The following CRK variants were observed in gnomAD, a reference collection of about 807,000 sequenced individuals.
CRK encodes the protein CRK proto-oncogene, adaptor protein.
Under a neutral mutation model 29.8 loss-of-function variants are expected in CRK, and 4 were observed. The observed-to-expected ratio is 0.13, with a 90% CI of 0.07 to 0.31. The LOEUF (loss-of-function observed/expected upper bound fraction) is 0.31. Ranked by LOEUF, CRK falls within the 10% of genes least tolerant of loss-of-function variation. The pLI is 1.00. For missense variants in CRK, 274 were observed against 396.5 expected (o/e 0.69, Z 2.62); for synonymous variants, 153 against 164.9 (o/e 0.93, Z 0.55).
chr17:1,445,066 T>G (rs1000808256), intron 1 of CRK, among the ~76,000 whole-genome samples: 2 of 150,046 alleles, frequency 1.3e-5, no homozygotes, highest in African/African-American at 4.9e-5. Context: ...GAGAATGGCA[T>G]GAACCTGGGA....
chr17:1,440,726 A>G (rs1474968117), intron 1 of CRK, among the ~76,000 whole-genome samples: 1 of 151,228 alleles, frequency 6.6e-6, no homozygotes, highest in Non-Finnish European at 1.5e-5. Context: ...CGTCTCAAAA[A>G]CAAACAAACA....
Position 1,427,253 on chromosome 17 carries a change from A to AC in CRK, c.778-3604dup, listed in dbSNP as rs2073789568. Among the ~76,000 whole-genome samples the AC allele has an allele frequency of 2.0e-5, 3 of 147,688 alleles. No individual in the cohort carries two copies. In the South Asian group the frequency reaches 6.5e-4, roughly 32 times the overall value. The stretch of plus-strand genomic sequence containing the variant: ...TGTAGCAAGCCAAGTGCACCACTGC[A>AC]CCCCACCCTGGTGGAGAGACCAAGA... On this transcript the variant is annotated intron_variant, in intron 2 of 2. Transcript: ENST00000300574.
rs534544942 is a variant in CRK at position 1,441,140 on chromosome 17, C to A, written c.242-3985G>T. ...ATGGGATTTCGCCATGTTGCCCAAG[C>A]CAGTCTCGAATTCCTGAGCTCAAGT... On this transcript the variant is annotated intron_variant, in intron 1 of 2. Coordinates refer to ENST00000300574, the MANE Select transcript of CRK (RefSeq NM_016823.4). Among the ~76,000 whole-genome samples the A allele has an allele frequency of 2.0e-5, 3 of 152,166 alleles. No individual in the cohort carries two copies. The South Asian group carries it at 6.2e-4, about 32-fold the overall frequency.
chr17:1,430,903 T>TA (rs1159285042), intron 2 of CRK, among the ~76,000 whole-genome samples: 1 of 151,054 alleles, frequency 6.6e-6, no homozygotes, highest in Non-Finnish European at 1.5e-5. Context: ...CCGTCTCTAC[T>TA]AAAAATACAA....
intron 1 of CRK, among the ~76,000 whole-genome samples, chr17:1,451,885 T>C (rs908785588): frequency 1.3e-5 from 2 of 152,110 alleles, no homozygotes; most frequent in East Asian, 1.9e-4. Context: ...CTCGGGAGGC[T>C]GAGGCAGGAG....
At position 1,422,815 on chromosome 17, in the gene CRK, A is replaced by G. The variant is rs189061840; in HGVS notation, c.*698T>C. On this transcript the variant is annotated 3_prime_UTR_variant, in exon 3 of 3. Transcript: ENST00000300574. Reference sequence around the variant, plus strand: ...CTGGCTTAAAGCTATGCACTGAATAAAGTGCTCGGTACATCCTGCTTTTCA... The same window carrying G: ...CTGGCTTAAAGCTATGCACTGAATAGAGTGCTCGGTACATCCTGCTTTTCA... 29 of 398,006 alleles carry G rather than the reference A, an allele frequency of 7.3e-5. No homozygotes were observed. The East Asian group carries it at 8.9e-4, about 12-fold the overall frequency. The allele number at this position is 398,006 out of a possible 1,614,324, so 24.7% of individuals were successfully genotyped here.
At chr17:1,429,949 C>G (rs911549271) in intron 2 of CRK, among the ~76,000 whole-genome samples, 10 of 151,342 alleles carry the variant, frequency 6.6e-5, no homozygotes, top group Non-Finnish European at 1.3e-4. Flanking sequence ...GAAAAACAAC[C>G]AAAAACACGA....
intron 2 of CRK, among the ~76,000 whole-genome samples, chr17:1,434,732 G>A (rs1438570642): frequency 2.8e-5 from 4 of 144,912 alleles, no homozygotes; most frequent in African/African-American, 7.7e-5. Context: ...GCAGTGAGCC[G>A]AGATCGTGCC....
At chr17:1,442,105 C>T (rs541317482) in intron 1 of CRK, among the ~76,000 whole-genome samples, 1 of 151,612 alleles carries the variant, frequency 6.6e-6, no homozygotes, top group Non-Finnish European at 1.5e-5. Context: ...GATCCACTTG[C>T]CTCTGCCTCC....
chr17:1,429,903 G>A (rs1305081715), intron 2 of CRK, among the ~76,000 whole-genome samples: 1 of 150,896 alleles, frequency 6.6e-6, no homozygotes, highest in African/African-American at 2.4e-5. Context: ...CTTGCTTGGG[G>A]AACAGAGCAA....
chr17:1,452,942 C>CAA (rs1244671895), intron 1 of CRK, among the ~76,000 whole-genome samples: 2 of 152,024 alleles, frequency 1.3e-5, no homozygotes, highest in Admixed American at 6.6e-5. Flanking sequence ...CTCATCTCTA[C>CAA]AAAAAAATTT....
chr17:1,441,779 T>G lies in CRK; in HGVS notation c.242-4624A>C, dbSNP rs952955230. ...TGCTGGGATTACAGGCGTGAGCCAC[T>G]GTGCCCGGCCCTTCACCCAGCTGAT... On this transcript the variant is annotated intron_variant, in intron 1 of 2. Coordinates refer to ENST00000300574, the MANE Select transcript of CRK (RefSeq NM_016823.4). Among the ~76,000 whole-genome samples, 7 of 152,130 alleles carry G rather than the reference T, an allele frequency of 4.6e-5. No homozygotes were observed. In the East Asian group the frequency reaches 1.4e-3, roughly 30 times the overall value.
In CRK at chr17:1,421,066, T is replaced by C. The variant is rs930944310; in HGVS notation, c.*2447A>G. On this transcript the variant is annotated 3_prime_UTR_variant, in exon 3 of 3. Transcript: ENST00000300574. ...AGCCAATTTCAGTTTACTTTGCCAATAGGATTTCAGCATTTGCTTTTTTTT... is the reference window on the plus strand; with the variant it reads ...AGCCAATTTCAGTTTACTTTGCCAACAGGATTTCAGCATTTGCTTTTTTTT... The C allele has an allele frequency of 6.6e-6, 1 of 152,172 alleles. No individual in the cohort carries two copies. Among genetic ancestry groups the C allele is most frequent in the Non-Finnish European group, 1.5e-5 (1 of 68,036 alleles). The allele number at this position is 152,172 out of a possible 1,614,324, so 9.4% of individuals were successfully genotyped here.
At chr17:1,455,727 G>T in intron 1 of CRK, 150 bp downstream of exon 1, 2 of 1,202,736 alleles carry the variant, frequency 1.7e-6, no homozygotes, top group Non-Finnish European at 2.2e-6. Flanking sequence ...CCGGGTGAGA[G>T]CGAGCCCGAG....
At chr17:1,428,005 G>A (rs978710747) in intron 2 of CRK, among the ~76,000 whole-genome samples, 1 of 151,896 alleles carries the variant, frequency 6.6e-6, no homozygotes, top group Non-Finnish European at 1.5e-5. Context: ...AGAGGTGAAG[G>A]GTAGGTTGAA....
chr17:1,437,325 T>C (rs2073894480), intron 1 of CRK, among the ~76,000 whole-genome samples, 170 bp from the exon 2 acceptor site: 1 of 152,100 alleles, frequency 6.6e-6, no homozygotes, highest in Non-Finnish European at 1.5e-5. Flanking sequence ...TAGCTGGGAC[T>C]ACAGGAGCCC....
intron 2 of CRK, among the ~76,000 whole-genome samples, chr17:1,430,045 ATTT>A (rs34475007): frequency 7.5e-6 from 1 of 133,488 alleles, no homozygotes. Context: ...AACTCAAATG[ATTT>A]TTTTTTTTTT....
chr17:1,427,807 G>A (rs143689643), intron 2 of CRK, among the ~76,000 whole-genome samples: 93 of 151,358 alleles, frequency 6.1e-4, no homozygotes, highest in African/African-American at 2.0e-3. Context: ...TACTTTTTTC[G>A]TATTTTTAGT....
intron 2 of CRK, among the ~76,000 whole-genome samples, chr17:1,424,239 G>C (rs1455272264): frequency 6.6e-6 from 1 of 151,646 alleles, no homozygotes; most frequent in Admixed American, 6.6e-5. Context: ...GCTAATTTTT[G>C]TATTTTTAGT....
Sources: gnomAD v4.1 joint callset for allele counts (sites outside exome capture counted in the v4.1 genomes callset) on GRCh38, gnomAD v4.1.1 for gene constraint, MANE v1.5 for transcripts, NCBI Gene and HGNC (gene_info 2026-07-23, HGNC 2026-07-21) for gene names.